The following FRK variants were observed in gnomAD, a reference collection of about 807,000 sequenced individuals.
The protein encoded by FRK is fyn related Src family tyrosine kinase, also known as tyrosine-protein kinase FRK.
A neutral mutation model predicts 56.4 loss-of-function variants in FRK; 51 were observed. The ratio of observed to expected loss-of-function variants is 0.90; its 90% CI spans 0.72 to 1.14. The LOEUF is 1.14. Among genes scored for constraint, FRK ranks in the 50% most tolerant of loss-of-function variants. FRK has a pLI of 0.00. For missense variants in FRK, 570 were observed against 601.4 expected, an observed-to-expected ratio of 0.95 and a Z score of 0.55; for synonymous variants, 245 against 217.9, an observed-to-expected ratio of 1.12 and a Z score of -1.10.
At chr6:116,071,428 A>C in the FRK span, among the ~76,000 whole-genome samples, 2 of 152,178 alleles carry the variant, frequency 1.3e-5, no homozygotes, top group South Asian at 2.1e-4. Context: ...ACCTAGCCCT[A>C]CATTTACAGA....
intron 6 of FRK, among the ~76,000 whole-genome samples, chr6:115,943,490 A>G (rs1197396456): frequency 8.6e-6 from 1 of 115,712 alleles, no homozygotes; most frequent in African/African-American, 3.1e-5. Context: ...GGTCTTGAGC[A>G]AAAAAAAAAA....
chr6:116,075,290 T>C, the FRK span, among the ~76,000 whole-genome samples: 1 of 152,072 alleles, frequency 6.6e-6, no homozygotes, highest in East Asian at 1.9e-4. Flanking sequence ...CAAGTCCTCA[T>C]CTGCAAAAAT....
the FRK span, among the ~76,000 whole-genome samples, chr6:116,086,334 A>G: frequency 6.6e-6 from 1 of 152,224 alleles, no homozygotes; most frequent in Admixed American, 6.5e-5. Flanking sequence ...AACTAAGGGA[A>G]CACTATGAAT....
intron 1 of FRK, among the ~76,000 whole-genome samples, chr6:116,026,105 T>C (rs1429046975): frequency 2.6e-5 from 4 of 152,176 alleles, no homozygotes; most frequent in African/African-American, 4.8e-5. Context: ...CCAATAACTC[T>C]AGAGTAATCT....
chr6:116,040,432 A>G (rs1776669407), intron 1 of FRK, among the ~76,000 whole-genome samples: 1 of 152,158 alleles, frequency 6.6e-6, no homozygotes, highest in East Asian at 1.9e-4. Context: ...TTCTCTTACT[A>G]TATTTTATAG....
chr6:116,006,352 C>T (rs991097728), intron 1 of FRK, among the ~76,000 whole-genome samples: 22 of 152,298 alleles, frequency 1.4e-4, no homozygotes, highest in African/African-American at 4.8e-4. Context: ...TTTATACTTT[C>T]ACATTACAAT....
At chr6:116,094,954 C>A in the FRK span, among the ~76,000 whole-genome samples, 1 of 152,220 alleles carries the variant, frequency 6.6e-6, no homozygotes, top group Non-Finnish European at 1.5e-5. Flanking sequence ...CCTTTAAAAG[C>A]CAGGGTAAAT....
At chr6:115,974,478 AAG>A (rs1346136598) in intron 2 of FRK, among the ~76,000 whole-genome samples, 2 of 152,208 alleles carry the variant, frequency 1.3e-5, no homozygotes, top group Admixed American at 1.3e-4. Context: ...TTCAAGCACA[AAG>A]AGAGGTATTT....
chr6:115,937,776 ACTAT>A lies in FRK; in HGVS notation c.*4634_*4637del, dbSNP rs1293915662. On this transcript the variant is annotated 3_prime_UTR_variant, in exon 8 of 8. Coordinates refer to ENST00000606080, the MANE Select transcript of FRK (RefSeq NM_002031.3). ...CAGATCAATGCAACAAGAATAGCTA[ACTAT>A]CCTAAATATATATACACCCAATACA... The A allele has an allele frequency of 1.3e-5, 2 of 152,250 alleles. No individual in the cohort carries two copies. Among genetic ancestry groups the A allele is most frequent in the Non-Finnish European group, 2.9e-5 (2 of 68,058 alleles). 9.4% of individuals were successfully genotyped at this position (152,250 alleles called of 1,614,324 possible).
intron 1 of FRK, among the ~76,000 whole-genome samples, chr6:116,034,299 T>C (rs1301040475): frequency 6.6e-6 from 1 of 152,134 alleles, no homozygotes; most frequent in East Asian, 1.9e-4. Flanking sequence ...GTGATGGATA[T>C]CCCAATTACC....
At chr6:116,057,422 G>A (rs182595035) in intron 1 of FRK, among the ~76,000 whole-genome samples, 89 of 152,280 alleles carry the variant, frequency 5.8e-4, no homozygotes, top group East Asian at 4.2e-3. Context: ...AGTAAAAATC[G>A]CTTCTATTTG....
chr6:115,976,585 C>T (rs1773999836), intron 2 of FRK, among the ~76,000 whole-genome samples: 1 of 152,080 alleles, frequency 6.6e-6, no homozygotes, highest in Non-Finnish European at 1.5e-5. Context: ...TAGCCTTATT[C>T]CTACTGACTG....
At chr6:115,946,434 T>C (rs1368079459) in intron 5 of FRK, among the ~76,000 whole-genome samples, 1 of 152,172 alleles carries the variant, frequency 6.6e-6, no homozygotes, top group Non-Finnish European at 1.5e-5. Flanking sequence ...CTTAAAGCAG[T>C]GCCTGGCACC....
intron 1 of FRK, chr6:116,039,046 T>A: frequency 1.3e-6 from 1 of 755,828 alleles, no homozygotes; most frequent in Admixed American, 1.7e-5. Context: ...ACTCAGAGAG[T>A]AGGCATGTCT....
At chr6:116,004,582 T>A (rs1473456990) in intron 1 of FRK, among the ~76,000 whole-genome samples, 1 of 152,210 alleles carries the variant, frequency 6.6e-6, no homozygotes, top group Non-Finnish European at 1.5e-5. Flanking sequence ...TAAAGGAACA[T>A]TTAAGCAGTG....
At chr6:116,074,394 T>A in the FRK span, among the ~76,000 whole-genome samples, 1 of 152,186 alleles carries the variant, frequency 6.6e-6, no homozygotes, top group East Asian at 1.9e-4. Context: ...TTGGTCACCC[T>A]TCTTCTGGGT....
chr6:115,951,160 A>C (rs951144277), intron 5 of FRK, among the ~76,000 whole-genome samples: 5 of 152,178 alleles, frequency 3.3e-5, no homozygotes, highest in Admixed American at 3.3e-4. Flanking sequence ...CCAGAATTTA[A>C]GTATAATCTT....
At chr6:116,020,298 GT>G (rs1158366970) in intron 1 of FRK, among the ~76,000 whole-genome samples, 1 of 151,314 alleles carries the variant, frequency 6.6e-6, no homozygotes, top group Non-Finnish European at 1.5e-5. Context: ...CCTTTTTTTT[GT>G]TTTTTGTTTT....
the FRK span, among the ~76,000 whole-genome samples, chr6:116,067,434 T>C: frequency 1.2e-4 from 19 of 152,178 alleles, no homozygotes; most frequent in Admixed American, 1.2e-3. Context: ...ACTCTGTATT[T>C]ACGTCTTCTA....
Sources: allele counts gnomAD v4.1 joint callset (sites outside exome capture counted in the v4.1 genomes callset), GRCh38; gene constraint gnomAD v4.1.1; transcripts MANE v1.5; gene names NCBI Gene and HGNC (gene_info 2026-07-23, HGNC 2026-07-21).